Variants in GLIPR1L1 observed in about 807,000 individuals in gnomAD.
GLIPR1L1 encodes the protein GLIPR1 like 1, also known as GLIPR1-like protein 1.
A neutral mutation model predicts 29.9 loss-of-function variants in GLIPR1L1; 26 were observed. The ratio of observed to expected loss-of-function variants is 0.87; its 90% CI spans 0.64 to 1.21. The LOEUF (loss-of-function observed/expected upper bound fraction) is 1.21, where lower values mean the gene tolerates loss of function less well. Among genes scored for constraint, GLIPR1L1 ranks in the 50% most tolerant of loss-of-function variants. GLIPR1L1 has a pLI of 0.00. For synonymous variants in GLIPR1L1, 77 were observed against 97.5 expected (o/e 0.79, Z 1.24); for missense variants, 305 against 290.3 (o/e 1.05, Z -0.37).
intron 3 of GLIPR1L1, among the ~76,000 whole-genome samples, chr12:75,359,357 CTTTTTTT>C (rs61616225): frequency 3.5e-5 from 1 of 28,600 alleles, no homozygotes; most frequent in Non-Finnish European, 6.6e-5. Context: ...GCATTGTTGT[CTTTTTTT>C]TTTTTTTTTT....
At chr12:75,356,325 TAA>T (rs2043153829) in intron 3 of GLIPR1L1, among the ~76,000 whole-genome samples, 2 of 152,132 alleles carry the variant, frequency 1.3e-5, no homozygotes, top group Non-Finnish European at 2.9e-5. Context: ...CTGGAGATGA[TAA>T]GTTTGTGGAT....
intron 3 of GLIPR1L1, among the ~76,000 whole-genome samples, chr12:75,353,604 C>G (rs2042956108): frequency 6.6e-6 from 1 of 152,108 alleles, no homozygotes; most frequent in Non-Finnish European, 1.5e-5. Flanking sequence ...GAAAATATTC[C>G]AAACAACTGA....
chr12:75,337,969 T>C (rs2041851442), intron 1 of GLIPR1L1, among the ~76,000 whole-genome samples: 1 of 152,126 alleles, frequency 6.6e-6, no homozygotes, highest in Admixed American at 6.5e-5. Flanking sequence ...TCAATCTAAA[T>C]AGTCTTATGC....
intron 4 of GLIPR1L1, among the ~76,000 whole-genome samples, chr12:75,368,594 T>A (rs866106197): frequency 6.7e-6 from 1 of 149,696 alleles, no homozygotes; most frequent in African/African-American, 2.5e-5. Context: ...CCTTGTTAAC[T>A]TTTTTTATTT....
At chr12:75,359,250 G>C (rs1241113937) in intron 3 of GLIPR1L1, among the ~76,000 whole-genome samples, 1 of 149,032 alleles carries the variant, frequency 6.7e-6, no homozygotes, top group Non-Finnish European at 1.5e-5. Context: ...AAAAGAAAGA[G>C]ACATGTACTG....
chr12:75,334,908 A>G lies in GLIPR1L1; in HGVS notation c.174+6A>G. The G allele has an allele frequency of 6.2e-7, 1 of 1,612,828 alleles. No homozygotes were observed. The highest frequency in any genetic ancestry group is 1.7e-4 in the Middle Eastern group (1 of 5,992). On this transcript the variant is annotated splice_donor_region_variant and intron_variant, in intron 1 of 5. Transcript: ENST00000378695. ...CGGCCGACATGAAATACATGGTGAG[A>G]AAGAACCAGGGCTGGGCTCTTAAAT...
At chr12:75,354,992 A>G (rs1245684581) in intron 3 of GLIPR1L1, among the ~76,000 whole-genome samples, 1 of 152,228 alleles carries the variant, frequency 6.6e-6, no homozygotes, top group Non-Finnish European at 1.5e-5. Flanking sequence ...AGATGGATTA[A>G]AGGCTTAAAT....
chr12:75,343,505 A>T (rs774024403), intron 1 of GLIPR1L1, among the ~76,000 whole-genome samples, 188 bp from the exon 2 acceptor site: 31 of 152,242 alleles, frequency 2.0e-4, no homozygotes, highest in Non-Finnish European at 3.8e-4. Flanking sequence ...TCATAGAGTG[A>T]GTATAAATAA....
chr12:75,353,376 A>AAT (rs1427109972), intron 3 of GLIPR1L1, among the ~76,000 whole-genome samples: 6 of 152,204 alleles, frequency 3.9e-5, no homozygotes, highest in African/African-American at 1.2e-4. Context: ...CCTCTGTGCA[A>AAT]ATCACTTGGA....
intron 3 of GLIPR1L1, 83 bp downstream of exon 3, chr12:75,347,805 C>G: frequency 1.4e-6 from 1 of 732,388 alleles, no homozygotes; most frequent in Non-Finnish European, 2.2e-6. Context: ...ATACTAGACA[C>G]AAGTGTATTT....
At chr12:75,368,735 C>T (rs1467441938) in intron 4 of GLIPR1L1, among the ~76,000 whole-genome samples, 2 of 151,704 alleles carry the variant, frequency 1.3e-5, no homozygotes, top group Non-Finnish European at 2.9e-5. Context: ...ATAATTTTGC[C>T]TTTAGTATTT....
intron 3 of GLIPR1L1, among the ~76,000 whole-genome samples, chr12:75,348,145 G>C (rs1474737539): frequency 1.3e-5 from 2 of 152,152 alleles, no homozygotes; most frequent in Non-Finnish European, 2.9e-5. Context: ...TTGTCTTGCT[G>C]ATAATTGCAT....
chr12:75,340,555 G>A (rs147609051), intron 1 of GLIPR1L1, among the ~76,000 whole-genome samples: 11 of 151,788 alleles, frequency 7.2e-5, no homozygotes, highest in South Asian at 6.2e-4. Context: ...TATCAAGACC[G>A]AAAACTATTT....
chr12:75,366,946 C>T (rs1223120720), intron 4 of GLIPR1L1: 4 of 701,710 alleles, frequency 5.7e-6, no homozygotes, highest in Non-Finnish European at 7.8e-6. Flanking sequence ...CCACTCAGTC[C>T]CCAGTCACCC....
chr12:75,355,038 T>G (rs907334300), intron 3 of GLIPR1L1, among the ~76,000 whole-genome samples: 9 of 151,718 alleles, frequency 5.9e-5, no homozygotes, highest in Admixed American at 2.6e-4. Flanking sequence ...TAGAAGAAAA[T>G]CTAGGCAATA....
At chr12:75,336,203 A>C (rs142330457) in intron 1 of GLIPR1L1, among the ~76,000 whole-genome samples, 1 of 152,086 alleles carries the variant, frequency 6.6e-6, no homozygotes, top group East Asian at 1.9e-4. Context: ...AACCATTAAA[A>C]ATATACAAAG....
At chr12:75,337,378 CA>C (rs1390692526) in intron 1 of GLIPR1L1, among the ~76,000 whole-genome samples, 1 of 151,560 alleles carries the variant, frequency 6.6e-6, no homozygotes, top group Admixed American at 6.6e-5. Context: ...AAGAAAGACA[CA>C]ACTCAAAAAT....
In GLIPR1L1 at chr12:75,370,303, A is replaced by G. The variant is rs547615178; in HGVS notation, c.*127A>G. The G allele has an allele frequency of 3.6e-4, 206 of 569,164 alleles. No homozygotes were observed. Among genetic ancestry groups the G allele is most frequent in the African/African-American group, 3.6e-3 (192 of 53,750 alleles). The allele number at this position is 569,164 out of a possible 1,614,324, so 35.3% of individuals were successfully genotyped here. Reference sequence around the variant, plus strand: ...CACTCTTGCCTGATACCTAAATTTAATGTTTGTTTTTAACTCAAAAAATGT... The same window carrying G: ...CACTCTTGCCTGATACCTAAATTTAGTGTTTGTTTTTAACTCAAAAAATGT... On this transcript the variant is annotated 3_prime_UTR_variant, in exon 6 of 6. Coordinates refer to ENST00000378695, the MANE Select transcript of GLIPR1L1 (RefSeq NM_001304964.2).
chr12:75,363,711 C>G (rs1374845050), intron 4 of GLIPR1L1, among the ~76,000 whole-genome samples: 1 of 152,064 alleles, frequency 6.6e-6, no homozygotes, highest in African/African-American at 2.4e-5. Flanking sequence ...AAATATCAAA[C>G]TCTGTAAAAC....
Sources: allele counts gnomAD v4.1 joint callset (sites outside exome capture counted in the v4.1 genomes callset), GRCh38; gene constraint gnomAD v4.1.1; transcripts MANE v1.5; gene names NCBI Gene and HGNC (gene_info 2026-07-23, HGNC 2026-07-21).